The following SPNS3 variants were observed in gnomAD, a reference collection of about 807,000 sequenced individuals.
SPNS3 encodes protein spinster homolog 3.
A neutral mutation model predicts 54.4 loss-of-function variants in SPNS3; 51 were observed. The ratio of observed to expected loss-of-function variants is 0.94; its 90% CI spans 0.75 to 1.18. SPNS3 has a LOEUF of 1.18. SPNS3 is among the 50% of genes most tolerant of loss of function. The pLI, the probability that SPNS3 is intolerant of heterozygous loss-of-function variation, is 0.00. For missense variants in SPNS3, 669 were observed against 677.4 expected, an observed-to-expected ratio of 0.99 and a Z score of 0.14; for synonymous variants, 309 against 294.7, an observed-to-expected ratio of 1.05 and a Z score of -0.50.
At chr17:4,470,745 G>A (rs1021299720) in intron 8 of SPNS3, among the ~76,000 whole-genome samples, 6 of 152,198 alleles carry the variant, frequency 3.9e-5, no homozygotes, top group South Asian at 2.1e-4. Context: ...TTGAATAAAC[G>A]TAAAATCAAA....
intron 9 of SPNS3, among the ~76,000 whole-genome samples, chr17:4,480,133 G>A (rs555581386): frequency 1.3e-4 from 20 of 152,220 alleles, no homozygotes; most frequent in African/African-American, 4.6e-4. Context: ...CCCTCCCCAC[G>A]GCCCAGGCCC....
chr17:4,482,174 C>G (rs1194094274), intron 9 of SPNS3: 1 of 152,340 alleles, frequency 6.6e-6, no homozygotes, highest in Admixed American at 6.5e-5. Context: ...GTGTGAGCCA[C>G]TGCGCCTGTC....
intron 8 of SPNS3, among the ~76,000 whole-genome samples, chr17:4,457,319 G>A (rs1158639249): frequency 6.6e-6 from 1 of 152,218 alleles, no homozygotes; most frequent in Non-Finnish European, 1.5e-5. Context: ...TTGAGCCCCA[G>A]TGATAGAGGC....
intron 4 of SPNS3, chr17:4,446,463 G>T (rs964602516): frequency 2.0e-6 from 1 of 496,418 alleles, no homozygotes; most frequent in East Asian, 3.2e-5. Context: ...ACTCGGCAGT[G>T]TGGCCCACCC....
At chr17:4,450,991 G>A (rs1233726297) in intron 7 of SPNS3, among the ~76,000 whole-genome samples, 1 of 151,950 alleles carries the variant, frequency 6.6e-6, no homozygotes, top group African/African-American at 2.4e-5. Flanking sequence ...GGAACATGAA[G>A]GGCTTGGTAG....
At chr17:4,468,761 CTCTCTTTCTTTT>C (rs1567570089) in intron 8 of SPNS3, among the ~76,000 whole-genome samples, 118 of 119,172 alleles carry the variant, frequency 9.9e-4, no homozygotes, top group African/African-American at 3.6e-3. Context: ...TTCTTTCTTT[CTCTCTTTCTTTT>C]TCTTTCTTTC....
At position 4,483,010 on chromosome 17, in the gene SPNS3, C is replaced by T. The variant is rs1341032419; in HGVS notation, c.1180-3218C>T. 6.6e-6 allele frequency among the ~76,000 whole-genome samples: 1 copy of T among 152,184 alleles called. No homozygotes were observed. The highest frequency in any genetic ancestry group is 1.5e-5 in the Non-Finnish European group (1 of 68,024). On this transcript the variant is annotated intron_variant, in intron 9 of 11. Coordinates refer to ENST00000355530, the MANE Select transcript of SPNS3 (RefSeq NM_182538.5). This position sits in a 1 kb window ranked among gnomAD's most constrained non-coding sequence, Gnocchi z 4.2. ...CACAGGCTCATCTCCCACCCCTCAG[C>T]AGACGTCCCCACAGTTCCCCGGAGA...
At chr17:4,484,460 A>G (rs569823249) in intron 9 of SPNS3, among the ~76,000 whole-genome samples, 1 of 152,232 alleles carries the variant, frequency 6.6e-6, no homozygotes, top group Admixed American at 6.5e-5. Context: ...AGCTGGGATT[A>G]TAGGCACGCG....
chr17:4,450,533 C>T (rs1971135367), intron 7 of SPNS3, among the ~76,000 whole-genome samples: 1 of 152,036 alleles, frequency 6.6e-6, no homozygotes, highest in African/African-American at 2.4e-5. Flanking sequence ...CCCACCTCAG[C>T]CTCCCAAGTA....
chr17:4,455,919 G>T (rs4790630), intron 8 of SPNS3, among the ~76,000 whole-genome samples: 2 of 19,010 alleles, frequency 1.1e-4, no homozygotes, highest in African/African-American at 1.8e-4. Context: ...GCCCTCTGTG[G>T]GGGGGGGGTG....
At chr17:4,463,389 T>A (rs1971590238) in intron 8 of SPNS3, among the ~76,000 whole-genome samples, 1 of 122,186 alleles carries the variant, frequency 8.2e-6, no homozygotes. Flanking sequence ...AAAGCAAGAC[T>A]CTGTCTCAAA....
intron 8 of SPNS3, among the ~76,000 whole-genome samples, chr17:4,457,618 C>G (rs776563139): frequency 7.2e-5 from 11 of 152,280 alleles, no homozygotes; most frequent in South Asian, 6.2e-4. Context: ...CAGATGGAGG[C>G]CCCATCAAAG....
chr17:4,460,680 G>C (rs1971475695), intron 8 of SPNS3, among the ~76,000 whole-genome samples: 2 of 151,200 alleles, frequency 1.3e-5, no homozygotes, highest in Non-Finnish European at 2.9e-5. Context: ...CTGACCTTGT[G>C]ATACACCTGC....
chr17:4,479,581 C>T (rs2144211252), intron 9 of SPNS3, among the ~76,000 whole-genome samples: 1 of 152,382 alleles, frequency 6.6e-6, no homozygotes, highest in East Asian at 1.9e-4. Context: ...TAACGCAGGG[C>T]CCTGGGCCTG....
intron 2 of SPNS3, among the ~76,000 whole-genome samples, chr17:4,441,983 A>AGGGTGTGTGTGTGTGT (rs1555528905): frequency 7.2e-6 from 1 of 139,000 alleles, no homozygotes; most frequent in Non-Finnish European, 1.5e-5. Context: ...CGGAGGGAGA[A>AGGGTGTGTGTGTGTGT]GTGTGTGTGT....
chr17:4,461,968 A>G lies in SPNS3; in HGVS notation c.1113+8763A>G, dbSNP rs73323812. ...ATCCCTAAAACTTCAAAGGGTGAAA[A>G]CATTTTTGGGGAGCAAAAGGAGTCA... On this transcript the variant is annotated intron_variant, in intron 8 of 11. Transcript: ENST00000355530. 3.8e-3 allele frequency among the ~76,000 whole-genome samples: 581 copies of G among 152,160 alleles called. 2 individuals are homozygous for G. The highest frequency in any genetic ancestry group is 0.013 in the African/African-American group (547 of 41,528).
intron 7 of SPNS3, among the ~76,000 whole-genome samples, chr17:4,451,360 T>A (rs1055582634): frequency 6.6e-6 from 1 of 151,482 alleles, no homozygotes; most frequent in African/African-American, 2.4e-5. Context: ...CAAGCGATTC[T>A]CCTGCCTCAG....
intron 8 of SPNS3, among the ~76,000 whole-genome samples, chr17:4,463,047 T>G (rs76877587): frequency 0.058 from 8,804 of 151,930 alleles, 317 homozygotes; most frequent in Middle Eastern, 0.12. Context: ...TGGGCATGTG[T>G]GCTGGTGTGT....
intron 2 of SPNS3, among the ~76,000 whole-genome samples, chr17:4,443,308 T>A (rs1337407749): frequency 1.3e-5 from 2 of 152,182 alleles, no homozygotes; most frequent in African/African-American, 4.8e-5. Flanking sequence ...TGACCTCGGG[T>A]GATCCACCGG....
Sources: allele counts gnomAD v4.1 joint callset (sites outside exome capture counted in the v4.1 genomes callset), GRCh38; gene constraint gnomAD v4.1.1; non-coding constraint Gnocchi (gnomAD v3.1); transcripts MANE v1.5; gene names NCBI Gene and HGNC (gene_info 2026-07-23, HGNC 2026-07-21).